Variants in LHFPL3 observed in about 807,000 individuals in gnomAD.
LHFPL3 encodes the protein LHFPL tetraspan subfamily member 3, also known as LHFPL tetraspan subfamily member 3 protein.
Under a neutral mutation model 19.3 loss-of-function variants are expected in LHFPL3, and 5 were observed. That is an observed-to-expected ratio of 0.26 (90% CI 0.14 to 0.54). The LOEUF is 0.54. LHFPL3 is among the 20% of genes least tolerant of loss of function. LHFPL3 has a pLI of 0.94. For missense variants in LHFPL3, 249 were observed against 307.4 expected (o/e 0.81, Z 1.42); for synonymous variants, 133 against 126.2 (o/e 1.05, Z -0.36).
At chr7:104,899,593 A>T (rs1297975236) in intron 2 of LHFPL3, among the ~76,000 whole-genome samples, 2 of 152,240 alleles carry the variant, frequency 1.3e-5, no homozygotes, top group Non-Finnish European at 2.9e-5. Context: ...TATGAAGCTC[A>T]ATATTAAATG....
intron 1 of LHFPL3, among the ~76,000 whole-genome samples, chr7:104,677,374 A>AAG (rs1180225950): frequency 2.0e-5 from 3 of 151,842 alleles, no homozygotes; most frequent in Non-Finnish European, 2.9e-5. Flanking sequence ...TTAAAAAAAA[A>AAG]AAAAGGAAGA....
At chr7:104,381,994 A>G (rs1790838217) in intron 1 of LHFPL3, among the ~76,000 whole-genome samples, 1 of 152,102 alleles carries the variant, frequency 6.6e-6, no homozygotes, top group African/African-American at 2.4e-5. Flanking sequence ...TGTACAGAGT[A>G]TATTTAGCTT....
chr7:104,780,980 T>C (rs1029691424), intron 2 of LHFPL3, among the ~76,000 whole-genome samples: 1 of 152,204 alleles, frequency 6.6e-6, no homozygotes, highest in Admixed American at 6.5e-5. Context: ...ACCCGTTCTT[T>C]GCCAACATCC....
rs768907295 is a variant in LHFPL3 at position 104,440,717 on chromosome 7, A to G, written c.445+111493A>G. Among the ~76,000 whole-genome samples, 5 of 152,204 alleles carry G rather than the reference A, an allele frequency of 3.3e-5. No individual in the cohort carries two copies. In the East Asian group the frequency reaches 7.7e-4, roughly 23 times the overall value. On this transcript the variant is annotated intron_variant, in intron 1 of 2. Coordinates refer to ENST00000424859, the MANE Select transcript of LHFPL3 (RefSeq NM_199000.3). The stretch of plus-strand genomic sequence containing the variant: ...CTAAGGGGAAGTAAAGTTTGATGAC[A>G]TAGATTACGTAAATCAACCATTATT...
At chr7:104,332,326 T>G (rs1220991080) in intron 1 of LHFPL3, among the ~76,000 whole-genome samples, 1 of 147,670 alleles carries the variant, frequency 6.8e-6, no homozygotes, top group Non-Finnish European at 1.5e-5. Flanking sequence ...ACCTCCTGAG[T>G]TCAAGTGATT....
chr7:104,862,792 T>G (rs1326743920), intron 2 of LHFPL3, among the ~76,000 whole-genome samples: 1 of 152,120 alleles, frequency 6.6e-6, no homozygotes, highest in African/African-American at 2.4e-5. Flanking sequence ...ACCTGGGAAG[T>G]AAGCAGAGCC....
intron 1 of LHFPL3, among the ~76,000 whole-genome samples, chr7:104,647,546 T>C (rs925926510): frequency 5.9e-5 from 9 of 152,234 alleles, no homozygotes; most frequent in Admixed American, 2.0e-4. Context: ...ACAACAAATA[T>C]TTATTTTTGA....
At chr7:104,338,093 CTTT>C (rs71296520) in intron 1 of LHFPL3, among the ~76,000 whole-genome samples, 206 of 85,838 alleles carry the variant, frequency 2.4e-3, no homozygotes, top group African/African-American at 8.5e-3. Context: ...TTTCCTTTTT[CTTT>C]TTTTTTTTTT....
intron 2 of LHFPL3, among the ~76,000 whole-genome samples, chr7:104,811,489 C>G (rs1328602706): frequency 6.6e-6 from 1 of 152,126 alleles, no homozygotes; most frequent in African/African-American, 2.4e-5. Flanking sequence ...GCATGGGCCA[C>G]CATGACTAGC....
chr7:104,797,751 CAA>C (rs35550547), intron 2 of LHFPL3, among the ~76,000 whole-genome samples: 7 of 124,670 alleles, frequency 5.6e-5, no homozygotes, highest in African/African-American at 1.5e-4. Context: ...CCCATCTCTA[CAA>C]AAAAAAAAAA....
At chr7:104,745,616 C>A (rs1403219059) in intron 2 of LHFPL3, among the ~76,000 whole-genome samples, 1 of 152,196 alleles carries the variant, frequency 6.6e-6, no homozygotes, top group Non-Finnish European at 1.5e-5. Context: ...CCAATCCCAT[C>A]TTCATTCATT....
chr7:104,328,767 G>T lies in LHFPL3; in HGVS notation c.-13G>T. 1.3e-6 allele frequency: 2 copies of T among 1,563,962 alleles called. No homozygotes were observed. The highest frequency in any genetic ancestry group is 1.7e-6 in the Non-Finnish European group (2 of 1,154,600). On this transcript the variant is annotated 5_prime_UTR_variant, in exon 1 of 3. Transcript: ENST00000424859. The surrounding 1 kb of genome is among the most constrained non-coding windows in gnomAD (Gnocchi z 4.6). ...GGACCAGGAGGAGGAGGAGGAGGAG[G>T]AGGAGGGGGAGAATGCCCGGAGCCG...
At chr7:104,685,679 G>A (rs1241261965) in intron 1 of LHFPL3, among the ~76,000 whole-genome samples, 1 of 152,208 alleles carries the variant, frequency 6.6e-6, no homozygotes, top group Non-Finnish European at 1.5e-5. Context: ...AGTCAGCTGA[G>A]CATCAGAGCT....
intron 1 of LHFPL3, among the ~76,000 whole-genome samples, chr7:104,507,657 C>T: frequency 2.6e-5 from 3 of 117,500 alleles, no homozygotes; most frequent in Non-Finnish European, 5.4e-5. Flanking sequence ...AAACTACCAT[C>T]AGAGTGAACA....
intron 1 of LHFPL3, among the ~76,000 whole-genome samples, chr7:104,588,550 T>G (rs1790634979): frequency 6.6e-6 from 1 of 152,234 alleles, no homozygotes; most frequent in African/African-American, 2.4e-5. Context: ...TCAGGTAGCA[T>G]GATGCCTCCA....
At chr7:104,669,172 C>T in intron 1 of LHFPL3, 1 of 1,613,748 alleles carries the variant, frequency 6.2e-7, no homozygotes, top group Non-Finnish European at 8.5e-7. Flanking sequence ...GCCAGCCCCT[C>T]CACCAAAGGA....
At chr7:104,350,913 G>T (rs188587664) in intron 1 of LHFPL3, among the ~76,000 whole-genome samples, 134 of 152,092 alleles carry the variant, frequency 8.8e-4, no homozygotes, top group Middle Eastern at 3.4e-3. Flanking sequence ...GGTGGCTTAC[G>T]CCTGTAATCC....
At chr7:104,338,662 C>G (rs1230616502) in intron 1 of LHFPL3, among the ~76,000 whole-genome samples, 1 of 152,054 alleles carries the variant, frequency 6.6e-6, no homozygotes, top group Non-Finnish European at 1.5e-5. Context: ...CAATTTGAGA[C>G]TTTTTTCCTT....
chr7:104,659,279 C>T (rs753850077), intron 1 of LHFPL3, among the ~76,000 whole-genome samples: 5 of 152,218 alleles, frequency 3.3e-5, no homozygotes, highest in Non-Finnish European at 7.3e-5. Flanking sequence ...TGTGCCCCCA[C>T]AGACTGTTGG....
Sources: allele counts gnomAD v4.1 joint callset (sites outside exome capture counted in the v4.1 genomes callset), GRCh38; gene constraint gnomAD v4.1.1; non-coding constraint Gnocchi (gnomAD v3.1); transcripts MANE v1.5; gene names NCBI Gene and HGNC (gene_info 2026-07-23, HGNC 2026-07-21).